Variants in FANCM observed in about 807,000 individuals in gnomAD.
FANCM encodes Fanconi anemia group M protein.
In FANCM, 140 loss-of-function variants were observed where a neutral mutation model predicts 199.5. The observed-to-expected ratio is 0.70, with a 90% CI of 0.61 to 0.81. The LOEUF is 0.81. Ranked by LOEUF, FANCM falls within the 30% of genes least tolerant of loss-of-function variation. The pLI, the probability that FANCM is intolerant of heterozygous loss-of-function variation, is 0.00. For synonymous variants in FANCM, 840 were observed against 836.8 expected (o/e 1.00, Z -0.07); for missense variants, 2,410 against 2,421.4 (o/e 1.00, Z 0.10).
chr14:45,169,819 G>A (rs1888225533), intron 11 of FANCM, among the ~76,000 whole-genome samples: 1 of 152,168 alleles, frequency 6.6e-6, no homozygotes, highest in Non-Finnish European at 1.5e-5. Context: ...AAGCTGAAAA[G>A]AATGAATATA....
Position 45,137,090 on chromosome 14 carries a change from G to C in FANCM, c.530G>C (p.Arg177Thr). ...EMTGSTQAST[R>T]KEIWCSKRVL... is the part of the protein sequence containing the mutation. ...TCAGGGTCTACACAAGCTTCCACCA[G>C]GAAGGAAATATGGTGCAGTAAGAGA... The change falls in exon 2 of 23, where the codon AGG becomes ACG. Residue 177 changes from arginine (R) to threonine (T), a missense_variant. Arg to Thr is a moderately conservative substitution (Grantham distance 71). Coordinates refer to ENST00000267430, the MANE Select transcript of FANCM (RefSeq NM_020937.4). The C allele has an allele frequency of 1.2e-6, 2 of 1,613,272 alleles. No homozygotes were observed. Among genetic ancestry groups the C allele is most frequent in the Non-Finnish European group, 1.7e-6 (2 of 1,179,420 alleles).
Position 45,175,632 on chromosome 14 carries a change from TTTC to T in FANCM, c.2882_2884del (p.Leu961del). Reference sequence around the variant, plus strand: ...TGAAAAATCTGTTTCATCTAACTTATTTCTTCCATTCGAAGAAGAGCTTTATAT... The same window carrying T: ...TGAAAAATCTGTTTCATCTAACTTATTTCCATTCGAAGAAGAGCTTTATAT... On this transcript the variant is annotated inframe_deletion, in exon 14 of 23. Transcript: ENST00000267430. 1.2e-6 allele frequency: 2 copies of T among 1,613,348 alleles called. No homozygotes were observed. Among genetic ancestry groups the T allele is most frequent in the Non-Finnish European group, 1.7e-6 (2 of 1,179,440 alleles).
rs1340295590 is a variant in FANCM at position 45,140,657 on chromosome 14, C to CA, written c.710dup (p.Asn237LysfsTer4). On this transcript the variant is annotated frameshift_variant, in exon 3 of 23. Coordinates refer to ENST00000267430, the MANE Select transcript of FANCM (RefSeq NM_020937.4). LOFTEE classifies it high-confidence loss of function. Reference sequence around the variant, plus strand: ...GTTGTAAGAGAACTAGTCAAATATACAAATCACTTTAGAATCTTGGCTCTA... The same window carrying CA: ...GTTGTAAGAGAACTAGTCAAATATACAAAATCACTTTAGAATCTTGGCTCTA... The CA allele has an allele frequency of 6.2e-7, 1 of 1,600,692 alleles. No homozygotes were observed. Among genetic ancestry groups the CA allele is most frequent in the Non-Finnish European group, 8.6e-7 (1 of 1,168,812 alleles).
At chr14:45,153,314 C>T (rs1044729787) in intron 5 of FANCM, among the ~76,000 whole-genome samples, 1 of 152,206 alleles carries the variant, frequency 6.6e-6, no homozygotes, top group African/African-American at 2.4e-5. Context: ...ATGAGCATAA[C>T]ATAGCTACCT....
At chr14:45,195,518 C>G (rs58790242) in intron 20 of FANCM, 80,125 of 455,914 alleles carry the variant, frequency 0.18, 9,564 homozygotes, top group African/African-American at 0.44. Flanking sequence ...CCCATGCCCT[C>G]TGCCTCTGCA....
intron 14 of FANCM, 38 bp downstream of exon 14, chr14:45,177,014 A>C: frequency 7.7e-7 from 1 of 1,292,766 alleles, no homozygotes; most frequent in East Asian, 2.3e-5. Flanking sequence ...AACTCTTTCT[A>C]GAATAATTAC....
chr14:45,189,949 C>T (rs1889663252), intron 20 of FANCM, among the ~76,000 whole-genome samples: 1 of 142,106 alleles, frequency 7.0e-6, no homozygotes, highest in Non-Finnish European at 1.5e-5. Context: ...GCCTGGGTGA[C>T]AGAGCAAGAC....
Position 45,151,387 on chromosome 14 carries a change from A to G in FANCM, c.919-10A>G. On this transcript the variant is annotated splice_polypyrimidine_tract_variant and intron_variant, in intron 4 of 22. Transcript: ENST00000267430. ...AGCAAGCTTAAACTAGATTGCTTTT[A>G]AATTTGCAGATTTTGGAATCATTTG... 6.2e-7 allele frequency: 1 copy of G among 1,613,302 alleles called. No homozygotes were observed. Among genetic ancestry groups the G allele is most frequent in the Non-Finnish European group, 8.5e-7 (1 of 1,179,466 alleles).
In FANCM at chr14:45,145,244, C is replaced by A. The variant is rs544434078; in HGVS notation, c.760-3593C>A. On this transcript the variant is annotated intron_variant, in intron 3 of 22. Transcript: ENST00000267430. ...TACTCTTCCCTCTTTTTTCCTCAAG[C>A]AGAAGGAAGGAGTCACTTTCGTTTA... 5.3e-5 allele frequency among the ~76,000 whole-genome samples: 8 copies of A among 151,442 alleles called. No individual in the cohort carries two copies. In the South Asian group the frequency reaches 1.7e-3, roughly 32 times the overall value.
intron 3 of FANCM, among the ~76,000 whole-genome samples, chr14:45,145,418 A>T (rs1346737442): frequency 3.2e-4 from 48 of 152,054 alleles, no homozygotes; most frequent in Non-Finnish European, 4.4e-5. Context: ...TAGGATGGGG[A>T]ATTCCCTTCT....
Position 45,176,424 on chromosome 14 carries a change from T to C in FANCM, c.3670T>C (p.Ser1224Pro), listed in dbSNP as rs535441868. ...VKNHEDIFDC[S>P]RDLFSVTFDL... Reference sequence around the variant, plus strand: ...GAATCATGAGGATATTTTTGATTGCTCTAGGGATTTATTTTCTGTTACCTT... The same window carrying C: ...GAATCATGAGGATATTTTTGATTGCCCTAGGGATTTATTTTCTGTTACCTT... The change falls in exon 14 of 23, where the codon TCT becomes CCT. Residue 1224 changes from serine to proline, a missense_variant. Coordinates refer to ENST00000267430, the MANE Select transcript of FANCM (RefSeq NM_020937.4). The C allele has an allele frequency of 2.5e-6, 4 of 1,613,084 alleles. No homozygotes were observed. Among genetic ancestry groups the C allele is most frequent in the Non-Finnish European group, 3.4e-6 (4 of 1,179,882 alleles).
chr14:45,168,542 G>C (rs1371542908), intron 11 of FANCM, among the ~76,000 whole-genome samples: 1 of 150,972 alleles, frequency 6.6e-6, no homozygotes, highest in Non-Finnish European at 1.5e-5. Flanking sequence ...AAAAAATTGA[G>C]ATAATGTTAA....
At chr14:45,143,401 A>G (rs1360138782) in intron 3 of FANCM, among the ~76,000 whole-genome samples, 2 of 152,106 alleles carry the variant, frequency 1.3e-5, no homozygotes, top group South Asian at 2.1e-4. Context: ...TACTGGTCTC[A>G]AACTCCTGGG....
chr14:45,183,418 T>C (rs545625299), intron 16 of FANCM, among the ~76,000 whole-genome samples: 2 of 152,288 alleles, frequency 1.3e-5, no homozygotes, highest in East Asian at 3.9e-4. Flanking sequence ...TATAGGCTTG[T>C]TCTTTGTGAA....
intron 6 of FANCM, 118 bp downstream of exon 6, chr14:45,154,170 G>A: frequency 1.4e-6 from 1 of 709,688 alleles, no homozygotes; most frequent in Admixed American, 2.1e-5. Flanking sequence ...GGAAGCCGAG[G>A]TGGGTGGATC....
chr14:45,155,356 T>C lies in FANCM; in HGVS notation c.1310-17T>C. ...AAAAAAACAGAAAAAAATTTTGATA[T>C]TTTTGTTTTGTTCCAGGAGATAAAA... is the stretch of plus-strand genomic sequence containing the variant. On this transcript the variant is annotated splice_polypyrimidine_tract_variant and intron_variant, in intron 7 of 22. Coordinates refer to ENST00000267430, the MANE Select transcript of FANCM (RefSeq NM_020937.4). 9.0e-7 allele frequency: 1 copy of C among 1,113,586 alleles called. No homozygotes were observed. The highest frequency in any genetic ancestry group is 1.4e-6 in the Non-Finnish European group (1 of 732,518). The allele number at this position is 1,113,586 out of a possible 1,614,324, so 69.0% of individuals were successfully genotyped here.
intron 9 of FANCM, among the ~76,000 whole-genome samples, chr14:45,162,029 A>G (rs1366934130): frequency 2.0e-5 from 3 of 152,198 alleles, no homozygotes; most frequent in Non-Finnish European, 4.4e-5. Flanking sequence ...GTCTGACTGT[A>G]GGATGACTCC....
chr14:45,171,951 G>C (rs1349856360), intron 12 of FANCM, among the ~76,000 whole-genome samples: 1 of 152,056 alleles, frequency 6.6e-6, no homozygotes, highest in African/African-American at 2.4e-5. Context: ...TTGCCTAGTA[G>C]CTGTACTAAT....
intron 14 of FANCM, 92 bp downstream of exon 14, chr14:45,177,068 A>G (rs1594800544): frequency 2.6e-6 from 2 of 774,768 alleles, no homozygotes; most frequent in East Asian, 5.3e-5. Flanking sequence ...ATTTTTTAGT[A>G]CATGGTACAA....
Sources: gnomAD v4.1 joint callset for allele counts (sites outside exome capture counted in the v4.1 genomes callset) on GRCh38, gnomAD v4.1.1 for gene constraint, MANE v1.5 for transcripts, NCBI Gene and HGNC (gene_info 2026-07-23, HGNC 2026-07-21) for gene names.